The following CLVS1 variants were observed in gnomAD, a reference collection of about 807,000 sequenced individuals.
The protein encoded by CLVS1 is clavesin-1.
Under a neutral mutation model 33.1 loss-of-function variants are expected in CLVS1, and 10 were observed. The observed-to-expected ratio is 0.30, with a 90% CI of 0.19 to 0.51. The LOEUF is 0.51. Ranked by LOEUF, CLVS1 falls within the 20% of genes least tolerant of loss-of-function variation. The pLI, the probability that CLVS1 is intolerant of heterozygous loss-of-function variation, is 0.97. For missense variants in CLVS1, 343 were observed against 433.4 expected, an observed-to-expected ratio of 0.79 and a Z score of 1.85; for synonymous variants, 163 against 166.1, an observed-to-expected ratio of 0.98 and a Z score of 0.14.
upstream of CLVS1, among the ~76,000 whole-genome samples, chr8:61,053,336 C>A (rs1453372244): frequency 1.3e-5 from 2 of 152,086 alleles, no homozygotes; most frequent in African/African-American, 2.4e-5. Context: ...GGGCCTCCAG[C>A]ATGAGGAGGT....
rs189764595 is a variant in CLVS1 at position 61,359,608 on chromosome 8, G to A, written c.456-16997G>A. Among the ~76,000 whole-genome samples, 1,119 of 152,106 alleles carry A rather than the reference G, an allele frequency of 7.4e-3. 9 individuals carry two copies. Among genetic ancestry groups the A allele is most frequent in the African/African-American group, 0.025 (1,017 of 41,508 alleles). ...TGGCCTTGGGTGATCCACCTGCCTCGGCCTCCCAAAGTCCTGGGATTACAG... is the reference window on the plus strand; with the variant it reads ...TGGCCTTGGGTGATCCACCTGCCTCAGCCTCCCAAAGTCCTGGGATTACAG... On this transcript the variant is annotated intron_variant, in intron 2 of 5. Coordinates refer to ENST00000325897, the MANE Select transcript of CLVS1 (RefSeq NM_173519.3).
At chr8:61,368,379 G>A (rs1248959519) in intron 2 of CLVS1, among the ~76,000 whole-genome samples, 1 of 152,160 alleles carries the variant, frequency 6.6e-6, no homozygotes, top group Non-Finnish European at 1.5e-5. Context: ...GGAGAAACAC[G>A]GGCTCTTATT....
chr8:61,216,036 G>A (rs1192896787), intron 2 of CLVS1, among the ~76,000 whole-genome samples: 1 of 152,140 alleles, frequency 6.6e-6, no homozygotes, highest in Non-Finnish European at 1.5e-5. Context: ...CAGGGTGGGA[G>A]GAGAAAGGGG....
chr8:60,984,060 A>C, the CLVS1 span, among the ~76,000 whole-genome samples: 31 of 152,106 alleles, frequency 2.0e-4, no homozygotes, highest in South Asian at 5.2e-3. Flanking sequence ...CTGTACCCTG[A>C]CCCTGCCCCC....
chr8:60,991,717 C>T, the CLVS1 span, among the ~76,000 whole-genome samples: 1 of 150,470 alleles, frequency 6.6e-6, no homozygotes, highest in Non-Finnish European at 1.5e-5. Context: ...TGTTCTCTTT[C>T]ACCCTTTGGC....
chr8:61,395,386 C>T (rs1224204967), intron 3 of CLVS1, among the ~76,000 whole-genome samples: 1 of 152,164 alleles, frequency 6.6e-6, no homozygotes, highest in East Asian at 1.9e-4. Context: ...TTAGTGATCT[C>T]TTGCACTGCA....
chr8:61,484,061 C>T (rs918589752), intron 5 of CLVS1, among the ~76,000 whole-genome samples: 2 of 152,192 alleles, frequency 1.3e-5, no homozygotes, highest in Non-Finnish European at 2.9e-5. Flanking sequence ...CTCACCACTC[C>T]TATTCAACCT....
chr8:61,436,523 C>T lies in CLVS1; in HGVS notation c.631-17618C>T, dbSNP rs530589553. The stretch of plus-strand genomic sequence containing the variant: ...CTCAGGAGCATTCAACACCATTGAT[C>T]ACCATGTCCCTTGCAAAAATTCTGA... On this transcript the variant is annotated intron_variant, in intron 3 of 5. Coordinates refer to ENST00000325897, the MANE Select transcript of CLVS1 (RefSeq NM_173519.3). 5.3e-5 allele frequency among the ~76,000 whole-genome samples: 8 copies of T among 152,278 alleles called. No individual in the cohort carries two copies. In the South Asian group the frequency reaches 1.7e-3, roughly 32 times the overall value.
At chr8:61,398,347 A>C (rs1461693623) in intron 3 of CLVS1, among the ~76,000 whole-genome samples, 1 of 151,570 alleles carries the variant, frequency 6.6e-6, no homozygotes, top group African/African-American at 2.4e-5. Flanking sequence ...ATGCCTGGTA[A>C]ATTTTTGTGT....
chr8:61,234,720 G>T (rs1244520505), intron 2 of CLVS1, among the ~76,000 whole-genome samples: 2 of 152,178 alleles, frequency 1.3e-5, no homozygotes, highest in African/African-American at 4.8e-5. Flanking sequence ...CCAGCCACTG[G>T]TGTTGAAGTT....
chr8:61,131,200 T>C (rs1806092602), intron 1 of CLVS1, among the ~76,000 whole-genome samples: 1 of 152,154 alleles, frequency 6.6e-6, no homozygotes, highest in Non-Finnish European at 1.5e-5. Context: ...AAACCATGGA[T>C]TCACAAAGGA....
At chr8:61,120,014 C>G (rs562799210) in intron 1 of CLVS1, among the ~76,000 whole-genome samples, 89 of 146,564 alleles carry the variant, frequency 6.1e-4, no homozygotes, top group Non-Finnish European at 1.1e-3. Context: ...GTACACCAAT[C>G]AGACGTAGAT....
At chr8:61,352,789 TAAC>T (rs937701046) in intron 2 of CLVS1, among the ~76,000 whole-genome samples, 1 of 151,616 alleles carries the variant, frequency 6.6e-6, no homozygotes, top group African/African-American at 2.4e-5. Flanking sequence ...CAATAAAAAA[TAAC>T]AATACAACAA....
chr8:61,029,680 T>C, the CLVS1 span, among the ~76,000 whole-genome samples: 1 of 152,130 alleles, frequency 6.6e-6, no homozygotes, highest in Non-Finnish European at 1.5e-5. Flanking sequence ...ACAAGTGTCA[T>C]GGTGGTTTGC....
chr8:61,489,507 GATTT>G (rs895049357), intron 5 of CLVS1, among the ~76,000 whole-genome samples: 3 of 152,172 alleles, frequency 2.0e-5, no homozygotes, highest in African/African-American at 4.8e-5. Flanking sequence ...TTATTGTGAA[GATTT>G]ATTTATTGAT....
chr8:61,356,047 C>G (rs62524922), intron 2 of CLVS1, among the ~76,000 whole-genome samples: 39,166 of 151,958 alleles, frequency 0.26, 6,358 homozygotes, highest in Non-Finnish European at 0.35. Flanking sequence ...AAAAGTGTTC[C>G]TATTTCTCCA....
chr8:61,192,082 C>T (rs907814111), intron 2 of CLVS1, among the ~76,000 whole-genome samples: 2 of 152,028 alleles, frequency 1.3e-5, no homozygotes, highest in Non-Finnish European at 2.9e-5. Flanking sequence ...AATCCTAAGC[C>T]AAAAGAACAA....
rs544302420 is a variant in CLVS1, at chr8:61,177,095, A to T, written c.-152+45235A>T. On this transcript the variant is annotated intron_variant, in intron 2 of 2. Coordinates refer to the CLVS1 transcript ENST00000522621. ...GGCGAGGGGGCGGGGCGGGGGGGCA[A>T]AGGAATGGCGGCAGCCATTTCTATG... Among the ~76,000 whole-genome samples, 6 of 152,258 alleles carry T rather than the reference A, an allele frequency of 3.9e-5. No individual in the cohort carries two copies. In the East Asian group the frequency reaches 1.2e-3, roughly 29 times the overall value.
chr8:61,324,325 A>G (rs768015774), intron 2 of CLVS1, among the ~76,000 whole-genome samples: 1 of 147,152 alleles, frequency 6.8e-6, no homozygotes, highest in African/African-American at 2.4e-5. Context: ...TGGTTTTATC[A>G]GGGGTTTCTG....
Sources: gnomAD v4.1 joint callset for allele counts (sites outside exome capture counted in the v4.1 genomes callset) on GRCh38, gnomAD v4.1.1 for gene constraint, MANE v1.5 for transcripts, NCBI Gene and HGNC (gene_info 2026-07-23, HGNC 2026-07-21) for gene names.